The following TAF1B variants were observed in gnomAD, a reference collection of about 807,000 sequenced individuals.
TAF1B encodes the protein TATA-box binding protein associated factor, RNA polymerase I subunit B.
In TAF1B, 61 loss-of-function variants were observed where a neutral mutation model predicts 83.9. The ratio of observed to expected loss-of-function variants is 0.73; its 90% CI spans 0.59 to 0.90. The LOEUF (loss-of-function observed/expected upper bound fraction) is 0.90. Ranked by LOEUF, TAF1B falls within the 40% of genes least tolerant of loss-of-function variation. The pLI is 0.00. For missense variants in TAF1B, 625 were observed against 677.0 expected, an observed-to-expected ratio of 0.92 and a Z score of 0.85; for synonymous variants, 221 against 224.6, an observed-to-expected ratio of 0.98 and a Z score of 0.14.
In TAF1B at chr2:9,903,747, G is replaced by A. The variant is rs138163355; in HGVS notation, c.808-1112G>A. Among the ~76,000 whole-genome samples the A allele has an allele frequency of 3.9e-5, 6 of 152,300 alleles. No individual in the cohort carries two copies. The East Asian group carries it at 1.2e-3, about 29-fold the overall frequency. ...GTAATGAGAGAGTGCAGGTGGGAAA[G>A]GTGAGAGGGAGGTTGTGTATCAGAG... On this transcript the variant is annotated intron_variant, in intron 8 of 14. Transcript: ENST00000263663.
At chr2:9,896,330 T>C (rs1220677127) in intron 8 of TAF1B, among the ~76,000 whole-genome samples, 1 of 152,182 alleles carries the variant, frequency 6.6e-6, no homozygotes, top group Admixed American at 6.5e-5. Context: ...CTCACAAAAG[T>C]GCATTCACTA....
intron 7 of TAF1B, among the ~76,000 whole-genome samples, chr2:9,880,426 C>CTTTT (rs6146620): frequency 0.12 from 8,710 of 74,332 alleles, 510 homozygotes; most frequent in Non-Finnish European, 0.16. Flanking sequence ...GAGTAAGCAG[C>CTTTT]TTTTTTTTTT....
At chr2:9,895,479 C>T (rs937235505) in intron 8 of TAF1B, among the ~76,000 whole-genome samples, 1 of 150,978 alleles carries the variant, frequency 6.6e-6, no homozygotes, top group East Asian at 1.9e-4. Flanking sequence ...ACAGCCTGGG[C>T]GACAGAGTGA....
chr2:9,849,379 C>T lies in TAF1B; in HGVS notation c.124C>T (p.Gln42Ter). The change falls in exon 3 of 15, where the codon CAG (glutamine) becomes TAG (stop). Residue 42 changes from glutamine (Q) to a stop codon, truncating the protein, a stop_gained. Coordinates refer to ENST00000263663, the MANE Select transcript of TAF1B (RefSeq NM_005680.3). LOFTEE classifies it high-confidence loss of function. The stretch of plus-strand genomic sequence containing the variant: ...CTTTTTCTCTTTCCTGCAGAGATAT[C>T]AGGAAGTTACAAACACTGATCTTAT... ...TSCHNVTERY[Q>*]EVTNTDLIPN... The T allele has an allele frequency of 6.3e-7, 1 of 1,596,036 alleles. No individual in the cohort carries two copies. The highest frequency in any genetic ancestry group is 8.5e-7 in the Non-Finnish European group (1 of 1,171,800).
At chr2:9,869,522 C>T (rs1664100466) in intron 6 of TAF1B, among the ~76,000 whole-genome samples, 1 of 151,906 alleles carries the variant, frequency 6.6e-6, no homozygotes, top group Non-Finnish European at 1.5e-5. Context: ...CGTGCCCGGC[C>T]TGCTTATTTG....
At chr2:9,889,331 T>C (rs181761687) in intron 8 of TAF1B, among the ~76,000 whole-genome samples, 6 of 152,244 alleles carry the variant, frequency 3.9e-5, no homozygotes, top group Admixed American at 3.9e-4. Context: ...TTTCTATTGT[T>C]ATGTCTTCAG....
chr2:9,844,373 G>A (rs1663132915), intron 1 of TAF1B: 1 of 151,790 alleles, frequency 6.6e-6, no homozygotes, highest in Non-Finnish European at 1.5e-5. Flanking sequence ...GTCCAGACTG[G>A]TATTGAACTC....
chr2:9,862,056 G>C (rs1010978589), intron 5 of TAF1B, among the ~76,000 whole-genome samples: 3 of 152,186 alleles, frequency 2.0e-5, no homozygotes, highest in South Asian at 2.1e-4. Context: ...CCAAAGGAAC[G>C]CAGCTCTTCA....
At chr2:9,866,950 G>C (rs149606124) in intron 5 of TAF1B, among the ~76,000 whole-genome samples, 12 of 152,052 alleles carry the variant, frequency 7.9e-5, no homozygotes, top group East Asian at 1.9e-4. Flanking sequence ...GTGGGTGGAG[G>C]GGGGAGGGAT....
chr2:9,924,663 A>T lies in TAF1B; in HGVS notation c.1565+4843A>T, dbSNP rs546598982. On this transcript the variant is annotated intron_variant, in intron 14 of 14. Coordinates refer to ENST00000263663, the MANE Select transcript of TAF1B (RefSeq NM_005680.3). Reference sequence around the variant, plus strand: ...TCATTGTAAAGGCTAAAATATGCCGAATATGCTCTAAGACAACCATTGAAA... The same window carrying T: ...TCATTGTAAAGGCTAAAATATGCCGTATATGCTCTAAGACAACCATTGAAA... 1.3e-4 allele frequency among the ~76,000 whole-genome samples: 20 copies of T among 152,384 alleles called. 1 individual carries two copies. In the South Asian group the frequency reaches 4.1e-3, roughly 32 times the overall value.
At chr2:9,875,349 A>C (rs1664291390) in intron 6 of TAF1B, among the ~76,000 whole-genome samples, 1 of 152,114 alleles carries the variant, frequency 6.6e-6, no homozygotes, top group South Asian at 2.1e-4. Context: ...CTAGTCCTTT[A>C]TTACTCTTTA....
intron 9 of TAF1B, among the ~76,000 whole-genome samples, chr2:9,905,675 A>G (rs933774340): frequency 6.6e-6 from 1 of 150,488 alleles, no homozygotes; most frequent in African/African-American, 2.4e-5. Context: ...AAGAGAAAAT[A>G]CAAACGTGGT....
chr2:9,869,796 C>T (rs949223980), intron 6 of TAF1B, among the ~76,000 whole-genome samples: 15 of 151,644 alleles, frequency 9.9e-5, no homozygotes, highest in Admixed American at 2.0e-4. Context: ...TTGCTTGAAC[C>T]GGGAGGCAGA....
chr2:9,909,525 G>T (rs894354346), intron 9 of TAF1B, among the ~76,000 whole-genome samples: 2 of 152,202 alleles, frequency 1.3e-5, no homozygotes, highest in South Asian at 2.1e-4. Context: ...CTTGTTTGGG[G>T]GAACTATGGA....
rs530585845 is a variant in TAF1B, at chr2:9,895,466, A to G, written c.808-9393A>G. ...CAGTGAGCTGTGATTGTGCCACTGC[A>G]CTACAGCCTGGGCGACAGAGTGAGA... On this transcript the variant is annotated intron_variant, in intron 8 of 14. Coordinates refer to ENST00000263663, the MANE Select transcript of TAF1B (RefSeq NM_005680.3). Among the ~76,000 whole-genome samples the G allele has an allele frequency of 2.0e-5, 3 of 152,232 alleles. No homozygotes were observed. The South Asian group carries it at 6.2e-4, about 32-fold the overall frequency.
chr2:9,908,190 C>T (rs911044800), intron 9 of TAF1B, among the ~76,000 whole-genome samples: 4 of 151,512 alleles, frequency 2.6e-5, no homozygotes, highest in Non-Finnish European at 4.4e-5. Context: ...GGACTACAGG[C>T]GCCCGCCACC....
intron 6 of TAF1B, among the ~76,000 whole-genome samples, chr2:9,869,463 T>C (rs1664097511): frequency 6.6e-6 from 1 of 151,758 alleles, no homozygotes; most frequent in South Asian, 2.1e-4. Context: ...GACCTTGTGA[T>C]CTGCCTGCTT....
chr2:9,917,321 T>A (rs964147435), intron 12 of TAF1B, among the ~76,000 whole-genome samples: 2 of 152,228 alleles, frequency 1.3e-5, no homozygotes, highest in African/African-American at 4.8e-5. Flanking sequence ...ACTAAAATAT[T>A]GTTAAAAATG....
Position 9,916,837 on chromosome 2 carries a change from C to CTTTTTTTTTTTTTTTTT in TAF1B, c.1272-2202_1272-2186dup, listed in dbSNP as rs371475463. Among the ~76,000 whole-genome samples the CTTTTTTTTTTTTTTTTT allele has an allele frequency of 3.6e-3, 347 of 95,638 alleles. 16 individuals are homozygous for CTTTTTTTTTTTTTTTTT. Among genetic ancestry groups the CTTTTTTTTTTTTTTTTT allele is most frequent in the Middle Eastern group, 7.7e-3 (1 of 130 alleles). 62.7% of individuals were successfully genotyped at this position (95,638 alleles called of 152,430 possible). A position where few individuals can be genotyped will look rare whatever the true frequency, so the allele number is the denominator to read the frequency against. On this transcript the variant is annotated intron_variant, in intron 12 of 14. Transcript: ENST00000263663. ...TGATTAGAAAAATTTCCTTTCTGTTCTTTTTTTTTTTTTTTTTTGAGATGG... is the reference window on the plus strand; with the variant it reads ...TGATTAGAAAAATTTCCTTTCTGTTCTTTTTTTTTTTTTTTTTTTTTTTTTTTTTTTTTTTGAGATGG...
Sources: gnomAD v4.1 joint callset for allele counts (sites outside exome capture counted in the v4.1 genomes callset) on GRCh38, gnomAD v4.1.1 for gene constraint, MANE v1.5 for transcripts, NCBI Gene and HGNC (gene_info 2026-07-23, HGNC 2026-07-21) for gene names.